NELFA: variants seen among roughly 807,000 people sequenced by gnomAD.
NELFA encodes negative elongation factor complex member A.
NELFA carries 35 observed loss-of-function variants against 51.8 expected under a neutral mutation model. The observed-to-expected ratio is 0.68, with a 90% CI of 0.52 to 0.90. NELFA has a LOEUF of 0.90. Among genes scored for constraint, NELFA ranks in the 40% least tolerant of loss-of-function variants. NELFA has a pLI of 0.00. For synonymous variants in NELFA, 417 were observed against 338.4 expected (o/e 1.23, Z -2.55); for missense variants, 658 against 746.4 (o/e 0.88, Z 1.38).
Position 1,991,716 on chromosome 4 carries a change from C to A in NELFA, c.211-1G>T. Reference sequence around the variant, plus strand: ...TGATCTCCATTAGGGCGCCCTTCATCTGCAAAATAGGATGCTGCCGGCGCC... The same window carrying A: ...TGATCTCCATTAGGGCGCCCTTCATATGCAAAATAGGATGCTGCCGGCGCC... On this transcript the variant is annotated splice_acceptor_variant, in intron 1 of 10. Coordinates refer to ENST00000382882, the MANE Select transcript of NELFA (RefSeq NM_005663.5). LOFTEE classifies it high-confidence loss of function. 1 of 1,590,586 alleles carries A rather than the reference C, an allele frequency of 6.3e-7. No homozygotes were observed. Among genetic ancestry groups the A allele is most frequent in the Admixed American group, 1.8e-5 (1 of 55,124 alleles).
At chr4:2,001,763 C>A (rs1462986796) in intron 1 of NELFA, among the ~76,000 whole-genome samples, 2 of 151,878 alleles carry the variant, frequency 1.3e-5, no homozygotes, top group South Asian at 4.2e-4. Context: ...ATTAGCCGGG[C>A]GTGGTGGCAC....
At chr4:1,992,531 TGTG>T (rs1286623074) in intron 1 of NELFA, 4 of 391,212 alleles carry the variant, frequency 1.0e-5, no homozygotes, top group South Asian at 5.3e-5. Context: ...CTGCTCACAG[TGTG>T]AGACAGCTGG....
rs572702653 is a variant in NELFA at position 1,996,110 on chromosome 4, C to T, written c.211-4395G>A. The stretch of plus-strand genomic sequence containing the variant: ...TACATATGATTCGCAAGCTTACTGG[C>T]AACATTTACAAAAACTGACCATACA... On this transcript the variant is annotated intron_variant, in intron 1 of 10. Transcript: ENST00000382882. Among the ~76,000 whole-genome samples, 15 of 152,286 alleles carry T rather than the reference C, an allele frequency of 9.8e-5. No individual in the cohort carries two copies. The South Asian group carries it at 3.1e-3, about 32-fold the overall frequency.
chr4:1,986,132 G>T lies in NELFA; in HGVS notation c.817C>A (p.Arg273=), dbSNP rs375025131. 1 of 1,552,838 alleles carries T rather than the reference G, an allele frequency of 6.4e-7. No homozygotes were observed. Among genetic ancestry groups the T allele is most frequent in the Non-Finnish European group, 8.7e-7 (1 of 1,147,864 alleles). Residue 273 remains arginine, a synonymous_variant, in exon 6 of 11, where the codon CGG becomes AGG. Coordinates refer to ENST00000382882, the MANE Select transcript of NELFA (RefSeq NM_005663.5). The stretch of plus-strand genomic sequence containing the variant: ...CCCCCACCGAGAGTCTTCCTTCTCC[G>T]CTTCGCCTCTCGGCCAGCGCCAACC... ...DMVGAGREAK[R]RRKTLDAEVV...
intron 9 of NELFA, 66 bp from the exon 10 acceptor site, chr4:1,983,761 G>A: frequency 1.9e-6 from 3 of 1,600,142 alleles, no homozygotes; most frequent in African/African-American, 2.7e-5. Flanking sequence ...TCCCCCTGCA[G>A]GCACCGTGGC....
Position 1,983,123 on chromosome 4 carries a change from C to G in NELFA, c.*196G>C, listed in dbSNP as rs939531289. ...TGTCTTAAATCACACAAAAAAGAAC[C>G]CATATTAAAATTTTAAAAATAAGCC... On this transcript the variant is annotated 3_prime_UTR_variant, in exon 11 of 11. Coordinates refer to ENST00000382882, the MANE Select transcript of NELFA (RefSeq NM_005663.5). 21 of 489,676 alleles carry G rather than the reference C, an allele frequency of 4.3e-5. No homozygotes were observed. Among genetic ancestry groups the G allele is most frequent in the African/African-American group, 3.7e-4 (19 of 50,710 alleles). The allele number at this position is 489,676 out of a possible 1,614,324, so 30.3% of individuals were successfully genotyped here.
rs765825469 is a variant in NELFA, at chr4:1,986,082, A to G, written c.835+32T>C. 2.5e-5 allele frequency: 38 copies of G among 1,547,558 alleles called. No individual in the cohort carries two copies. In the South Asian group the frequency reaches 4.5e-4, roughly 18 times the overall value. On this transcript the variant is annotated intron_variant, in intron 6 of 10. Transcript: ENST00000382882. ...CTGGGCAGGGCCCGCAGGGACCCCC[A>G]TTGCCGCCGACACGCAGGCCCCAAC...
chr4:1,999,463 G>T (rs1728516579), intron 1 of NELFA, among the ~76,000 whole-genome samples: 1 of 151,724 alleles, frequency 6.6e-6, no homozygotes, highest in African/African-American at 2.4e-5. Context: ...TCAAGCAAAT[G>T]GAAAGCAAAC....
chr4:1,999,265 A>G (rs1326577431), intron 1 of NELFA, among the ~76,000 whole-genome samples: 2 of 151,414 alleles, frequency 1.3e-5, no homozygotes, highest in Non-Finnish European at 2.9e-5. Flanking sequence ...AGATACCATC[A>G]TGATTACAGG....
intron 1 of NELFA, among the ~76,000 whole-genome samples, chr4:1,999,729 G>A (rs778546859): frequency 2.6e-5 from 4 of 152,072 alleles, no homozygotes; most frequent in Non-Finnish European, 4.4e-5. Flanking sequence ...TTAGATCAAC[G>A]AGACAGAAAA....
chr4:1,991,757 A>G, intron 1 of NELFA, 42 bp from the exon 2 acceptor site: 2 of 1,544,978 alleles, frequency 1.3e-6, no homozygotes, highest in Non-Finnish European at 1.7e-6. Flanking sequence ...GCCCCTGCCC[A>G]CTTCCAAGCC....
intron 7 of NELFA, 95 bp from the exon 8 acceptor site, chr4:1,985,014 G>A: frequency 2.3e-6 from 2 of 883,740 alleles, no homozygotes; most frequent in South Asian, 1.8e-5. Flanking sequence ...GCCACAGGCT[G>A]TGGCCCCCCG....
At chr4:1,991,964 C>G in intron 1 of NELFA, 1 of 454,156 alleles carries the variant, frequency 2.2e-6, no homozygotes, top group Non-Finnish European at 3.9e-6. Flanking sequence ...CAGCCTCCCA[C>G]CTCCCAGCAG....
chr4:1,988,003 C>T lies in NELFA; in HGVS notation c.549G>A (p.Thr183=), dbSNP rs779251313. Residue 183 remains threonine, a synonymous_variant, in exon 4 of 11, where the codon ACG becomes ACA. Transcript: ENST00000382882. ...TLRAELLQKS[T]ETAQQLKRSA... ...TCCGCTTCAACTGCTGGGCGGTCTC[C>T]GTGGCTGGAAGGAAGAGGTCACATA... 8.1e-6 allele frequency: 13 copies of T among 1,609,944 alleles called. No homozygotes were observed. In the East Asian group the frequency reaches 8.9e-5, roughly 11 times the overall value.
In NELFA at chr4:2,008,930, G is replaced by A. The variant is rs1208965321; in HGVS notation, c.30C>T (p.Gly10=). 10 of 1,569,604 alleles carry A rather than the reference G, an allele frequency of 6.4e-6. No individual in the cohort carries two copies. The highest frequency in any genetic ancestry group is 1.2e-5 in the South Asian group (1 of 85,624). MASMRESDT[G]LWLHNKLGAT... ...CCCCCAGCTTGTTGTGCAGCCACAG[G>A]CCCGTGTCGCTCTCCCGCATGGACG... The change falls in exon 1 of 11, where the codon GGC becomes GGT. Residue 10 remains glycine (G), a synonymous_variant. Transcript: ENST00000382882.
At chr4:1,999,526 C>A (rs983077008) in intron 1 of NELFA, among the ~76,000 whole-genome samples, 1 of 151,916 alleles carries the variant, frequency 6.6e-6, no homozygotes, top group Non-Finnish European at 1.5e-5. Context: ...TTTAAACCAA[C>A]AAAGATCAAA....
chr4:2,007,629 G>T (rs1249549436), intron 1 of NELFA, among the ~76,000 whole-genome samples: 1 of 152,134 alleles, frequency 6.6e-6, no homozygotes, highest in Non-Finnish European at 1.5e-5. Context: ...GCACAGAAAT[G>T]ATTACCTTTC....
chr4:1,987,905 G>T lies in NELFA; in HGVS notation c.634+13C>A. ...CAAAAGCAAGGCTCACGGCACCAGGGTGGGGGCCTTACTGGTGGTGTCCAT... is the reference window on the plus strand; with the variant it reads ...CAAAAGCAAGGCTCACGGCACCAGGTTGGGGGCCTTACTGGTGGTGTCCAT... On this transcript the variant is annotated intron_variant, in intron 4 of 10. Transcript: ENST00000382882. 6.3e-7 allele frequency: 1 copy of T among 1,595,574 alleles called. No homozygotes were observed.
intron 4 of NELFA, 44 bp from the exon 5 acceptor site, chr4:1,986,446 A>C: frequency 6.2e-7 from 1 of 1,600,202 alleles, no homozygotes; most frequent in Non-Finnish European, 8.5e-7. Context: ...AGTGACCGGC[A>C]AACGTCCCCC....
Sources: gnomAD v4.1 joint callset for allele counts (sites outside exome capture counted in the v4.1 genomes callset) on GRCh38, gnomAD v4.1.1 for gene constraint, MANE v1.5 for transcripts, NCBI Gene and HGNC (gene_info 2026-07-23, HGNC 2026-07-21) for gene names.